CLIP2: variants seen among roughly 807,000 people sequenced by gnomAD.
CLIP2 encodes CAP-Gly domain-containing linker protein 2.
Under a neutral mutation model 111.7 loss-of-function variants are expected in CLIP2, and 41 were observed. The ratio of observed to expected loss-of-function variants is 0.37; its 90% confidence interval spans 0.29 to 0.48. The LOEUF (loss-of-function observed/expected upper bound fraction) is 0.48. Ranked by LOEUF, CLIP2 falls within the 20% of genes least tolerant of loss-of-function variation. CLIP2 has a pLI of 0.99. For missense variants in CLIP2, 1,160 were observed against 1,422.1 expected, an observed-to-expected ratio of 0.82 and a Z score of 2.96; for synonymous variants, 660 against 644.2, an observed-to-expected ratio of 1.02 and a Z score of -0.37.
intron 8 of CLIP2, among the ~76,000 whole-genome samples, chr7:74,369,532 G>A (rs1478660520): frequency 6.6e-6 from 1 of 151,760 alleles, no homozygotes; most frequent in Non-Finnish European, 1.5e-5. Context: ...GACAGAGCAA[G>A]ACCCCATCTC....
chr7:74,350,783 C>G (rs1409815202), intron 3 of CLIP2, among the ~76,000 whole-genome samples: 2 of 151,828 alleles, frequency 1.3e-5, no homozygotes, highest in African/African-American at 4.8e-5. Flanking sequence ...AGGAGGATCA[C>G]TTGAACTCAG....
rs137858493 is a variant in CLIP2, at chr7:74,380,838, G to T, written c.2454G>T (p.Thr818=). The T allele has an allele frequency of 8.1e-6, 13 of 1,612,426 alleles. No homozygotes were observed. Among genetic ancestry groups the T allele is most frequent in the South Asian group, 1.1e-5 (1 of 90,904 alleles). The change falls in exon 11 of 17, where the codon ACG becomes ACT. Residue 818 remains threonine, a synonymous_variant. Transcript: ENST00000223398. ...AGTCGAATGACATTTCAGAGGAGAC[G>T]ATCAGGACGAAGGAAACTGTGGAGG... ...MIESNDISEE[T]IRTKETVEGL... is the part of the protein sequence containing the mutation.
chr7:74,397,716 G>A (rs955719599), intron 14 of CLIP2, among the ~76,000 whole-genome samples: 13 of 145,950 alleles, frequency 8.9e-5, no homozygotes, highest in Non-Finnish European at 1.9e-4. Context: ...GCCCAGGCTG[G>A]AGTGCAGTGG....
chr7:74,343,426 G>A (rs511821), intron 3 of CLIP2, among the ~76,000 whole-genome samples: 92,936 of 151,872 alleles, frequency 0.61, 30,374 homozygotes, highest in Middle Eastern at 0.74. Context: ...CCTACTGGGG[G>A]TGGGTACAGC....
intron 1 of CLIP2, among the ~76,000 whole-genome samples, chr7:74,295,487 A>G (rs1271841852): frequency 6.6e-6 from 1 of 152,046 alleles, no homozygotes; most frequent in Admixed American, 6.6e-5. Context: ...GCCACCTCGT[A>G]CCTTTCTACT....
rs533539066 is a variant in CLIP2, at chr7:74,343,668, G to A, written c.678+4664G>A. 2.6e-5 allele frequency among the ~76,000 whole-genome samples: 4 copies of A among 151,624 alleles called. No homozygotes were observed. The South Asian group carries it at 6.3e-4, about 24-fold the overall frequency. The stretch of plus-strand genomic sequence containing the variant: ...AGCACTTTGGGAGGCCAAGGCAGGC[G>A]GATCACTCAAGGTCAGGATTTGGAA... On this transcript the variant is annotated intron_variant, in intron 3 of 16. Coordinates refer to ENST00000223398, the MANE Select transcript of CLIP2 (RefSeq NM_003388.5).
intron 1 of CLIP2, among the ~76,000 whole-genome samples, chr7:74,312,882 T>C (rs976808759): frequency 1.3e-5 from 2 of 152,194 alleles, no homozygotes; most frequent in East Asian, 3.8e-4. Context: ...TTCACTCGGA[T>C]GTGCCAGGAC....
chr7:74,398,415 A>G (rs1162741596), intron 14 of CLIP2, among the ~76,000 whole-genome samples: 1 of 152,022 alleles, frequency 6.6e-6, no homozygotes, highest in African/African-American at 2.4e-5. Context: ...TGTGATGAGC[A>G]CTCAGGACAA....
chr7:74,372,919 C>G lies in CLIP2; in HGVS notation c.1381-13C>G. 6.5e-7 allele frequency: 1 copy of G among 1,528,104 alleles called. No homozygotes were observed. Among genetic ancestry groups the G allele is most frequent in the Non-Finnish European group, 8.8e-7 (1 of 1,132,462 alleles). 94.7% of individuals were successfully genotyped at this position (1,528,104 alleles called of 1,614,324 possible). A position where few individuals can be genotyped will look rare whatever the true frequency, so the allele number is the denominator to read the frequency against. ...CCCCCACCCCCCCACCGTGTCCACC[C>G]TGGGTGGACCAGACCCAGACGCAGC... On this transcript the variant is annotated splice_polypyrimidine_tract_variant and intron_variant, in intron 8 of 16. Transcript: ENST00000223398.
chr7:74,306,179 C>T (rs1788483210), intron 1 of CLIP2, among the ~76,000 whole-genome samples: 1 of 152,150 alleles, frequency 6.6e-6, no homozygotes, highest in Non-Finnish European at 1.5e-5. Flanking sequence ...GTCCCTTGCT[C>T]CTCCGAGAGG....
chr7:74,403,430 A>G (rs925668057), intron 16 of CLIP2, among the ~76,000 whole-genome samples: 4 of 146,332 alleles, frequency 2.7e-5, no homozygotes, highest in Non-Finnish European at 6.0e-5. Flanking sequence ...TTAGCTGGGC[A>G]TGGTGGCGCA....
intron 2 of CLIP2, among the ~76,000 whole-genome samples, chr7:74,319,512 T>C (rs1305500573): frequency 6.7e-6 from 1 of 149,544 alleles, no homozygotes; most frequent in African/African-American, 2.5e-5. Flanking sequence ...TGTCAAAAAA[T>C]AAAATAAAAT....
At chr7:74,296,585 C>A (rs1189909754) in intron 1 of CLIP2, among the ~76,000 whole-genome samples, 1 of 151,732 alleles carries the variant, frequency 6.6e-6, no homozygotes, top group Non-Finnish European at 1.5e-5. Flanking sequence ...GTCAGGAGTT[C>A]AAGACCAGTC....
chr7:74,400,985 CT>C, intron 15 of CLIP2, among the ~76,000 whole-genome samples: 1 of 151,988 alleles, frequency 6.6e-6, no homozygotes, highest in East Asian at 1.9e-4. Flanking sequence ...TCCTAGGAAC[CT>C]TGATCTGAAG....
Position 74,404,052 on chromosome 7 carries a change from G to A in CLIP2, c.*204G>A. ...GCTTCCTCAAGCCCAGCCTTCTACA[G>A]AGAGTGTGAACGGTACAGCCCCGGC... On this transcript the variant is annotated 3_prime_UTR_variant, in exon 17 of 17. Coordinates refer to ENST00000223398, the MANE Select transcript of CLIP2 (RefSeq NM_003388.5). 1 of 631,540 alleles carries A rather than the reference G, an allele frequency of 1.6e-6. No individual in the cohort carries two copies. The highest frequency in any genetic ancestry group is 2.9e-6 in the Non-Finnish European group (1 of 347,566). The allele number at this position is 631,540 out of a possible 1,614,324, so 39.1% of individuals were successfully genotyped here.
intron 7 of CLIP2, 38 bp downstream of exon 7, chr7:74,360,316 C>T: frequency 2.0e-6 from 3 of 1,485,610 alleles, no homozygotes; most frequent in East Asian, 2.4e-5. Flanking sequence ...CCCTGAGTCC[C>T]CTTAAGGAGG....
intron 8 of CLIP2, among the ~76,000 whole-genome samples, chr7:74,372,211 G>A (rs1790645304): frequency 6.6e-6 from 1 of 152,080 alleles, no homozygotes; most frequent in African/African-American, 2.4e-5. Flanking sequence ...TGGGACAAAA[G>A]TGCCCTTGTG....
At chr7:74,358,123 C>T (rs1360096489) in intron 6 of CLIP2, among the ~76,000 whole-genome samples, 2 of 150,864 alleles carry the variant, frequency 1.3e-5, no homozygotes, top group Non-Finnish European at 2.9e-5. Context: ...GCAATCTCAG[C>T]TCACTGCAAC....
intron 10 of CLIP2, among the ~76,000 whole-genome samples, chr7:74,379,171 G>T (rs1182698746): frequency 6.6e-6 from 1 of 152,000 alleles, no homozygotes; most frequent in Non-Finnish European, 1.5e-5. Flanking sequence ...GCCCCAGAAA[G>T]CCCATCTCCT....
Sources: gnomAD v4.1 joint callset for allele counts (sites outside exome capture counted in the v4.1 genomes callset) on GRCh38, gnomAD v4.1.1 for gene constraint, MANE v1.5 for transcripts, NCBI Gene and HGNC (gene_info 2026-07-23, HGNC 2026-07-21) for gene names.